Variants in ABHD18 observed in about 807,000 individuals in gnomAD.
ABHD18 encodes the protein cardiolipin-specific deacylase, mitochondrial.
ABHD18 carries 55 observed loss-of-function variants against 65.9 expected under a neutral mutation model. The ratio of observed to expected loss-of-function variants is 0.84; its 90% CI spans 0.67 to 1.05. ABHD18 has a LOEUF of 1.05. ABHD18 is among the 50% of genes least tolerant of loss of function. The pLI, the probability that ABHD18 is intolerant of heterozygous loss-of-function variation, is 0.00. For missense variants in ABHD18, 533 were observed against 558.5 expected (o/e 0.95, Z 0.46); for synonymous variants, 181 against 180.2 (o/e 1.00, Z -0.04).
intron 11 of ABHD18, among the ~76,000 whole-genome samples, chr4:128,029,788 G>C (rs985920947): frequency 2.0e-5 from 3 of 152,102 alleles, no homozygotes; most frequent in African/African-American, 7.2e-5. Context: ...TCATGCCACT[G>C]CACTCAGCCT....
intron 4 of ABHD18, among the ~76,000 whole-genome samples, chr4:128,003,315 CCG>C (rs1753006156): frequency 1.3e-5 from 2 of 151,486 alleles, no homozygotes; most frequent in Non-Finnish European, 2.9e-5. Flanking sequence ...TTGCAGTGAG[CCG>C]AGATCGCGCC....
chr4:128,030,896 C>G (rs1758112301), intron 12 of ABHD18: 2 of 1,240,394 alleles, frequency 1.6e-6, no homozygotes, highest in South Asian at 5.6e-5. Flanking sequence ...TATAGGCATG[C>G]TTTATCGTGT....
Position 128,017,368 on chromosome 4 carries a change from C to T in ABHD18, c.476C>T (p.Ser159Phe). ...ATTTTGTTTTGTGAGGCTAGAAGGTCCAGCTTAAAAAATGTGTCCGACCTT... is the reference window on the plus strand; with the variant it reads ...ATTTTGTTTTGTGAGGCTAGAAGGTTCAGCTTAAAAAATGTGTCCGACCTT... ...GCRKPKDQVR[S>F]SLKNVSDLFV... Residue 159 changes from serine to phenylalanine, a missense_variant, in exon 8 of 13, where the codon TCC becomes TTC. Ser to Phe is a radical substitution (Grantham distance 155). Around this residue, in one of 3 missense-constraint regions of ABHD18, gnomAD observed 309 missense variants for 313.5 expected, o/e 0.99. Transcript: ENST00000645843. 6.2e-7 allele frequency: 1 copy of T among 1,612,978 alleles called. No individual in the cohort carries two copies. Among genetic ancestry groups the T allele is most frequent in the African/African-American group, 1.3e-5 (1 of 74,966 alleles).
In ABHD18 at chr4:127,978,240, G is replaced by A. The variant is rs74383439; in HGVS notation, c.-17-4699G>A. ...TGAAAATTTTTGTGGGTACATAGTA[G>A]GTGTATGGATTTATAGATTTCTAGA... On this transcript the variant is annotated intron_variant, in intron 1 of 12. Transcript: ENST00000645843. Among the ~76,000 whole-genome samples, 778 of 152,082 alleles carry A rather than the reference G, an allele frequency of 5.1e-3. 5 individuals are homozygous for A. Among genetic ancestry groups the A allele is most frequent in the African/African-American group, 0.018 (751 of 41,518 alleles).
At position 127,982,835 on chromosome 4, in the gene ABHD18, C is replaced by T. The variant is rs1344536141; in HGVS notation, c.-17-104C>T. The T allele has an allele frequency of 5.6e-5, 34 of 610,972 alleles. No individual in the cohort carries two copies. In the East Asian group the frequency reaches 7.2e-4, roughly 13 times the overall value. 37.8% of individuals were successfully genotyped at this position (610,972 alleles called of 1,614,324 possible). On this transcript the variant is annotated intron_variant, in intron 1 of 12. Transcript: ENST00000645843. Reference sequence around the variant, plus strand: ...TGTTTCCAAAGGAATTAATTCGTCTCAATCTTTAATTTTACATGATAGTCA... The same window carrying T: ...TGTTTCCAAAGGAATTAATTCGTCTTAATCTTTAATTTTACATGATAGTCA...
At chr4:127,992,535 G>A (rs189835995) in intron 4 of ABHD18, among the ~76,000 whole-genome samples, 3 of 151,964 alleles carry the variant, frequency 2.0e-5, no homozygotes, top group Admixed American at 6.6e-5. Context: ...CATGTAGCTC[G>A]TTTATGTATT....
chr4:127,987,357 A>C (rs996262028), intron 3 of ABHD18, among the ~76,000 whole-genome samples: 1 of 152,098 alleles, frequency 6.6e-6, no homozygotes, highest in African/African-American at 2.4e-5. Flanking sequence ...GTCTCAAAAA[A>C]TAGTAATAAT....
chr4:127,977,640 A>T (rs918827989), intron 1 of ABHD18, among the ~76,000 whole-genome samples: 3 of 152,220 alleles, frequency 2.0e-5, no homozygotes, highest in Non-Finnish European at 4.4e-5. Context: ...CTTTGAAGAA[A>T]TTAGAGGAGT....
At chr4:127,975,175 TTAA>T (rs1184055804) in intron 1 of ABHD18, among the ~76,000 whole-genome samples, 1 of 152,124 alleles carries the variant, frequency 6.6e-6, no homozygotes, top group Non-Finnish European at 1.5e-5. Context: ...ATTTACCATC[TTAA>T]TAATTTTAAC....
chr4:128,018,720 A>G (rs1755941823), intron 8 of ABHD18, among the ~76,000 whole-genome samples: 1 of 152,010 alleles, frequency 6.6e-6, no homozygotes, highest in Non-Finnish European at 1.5e-5. Context: ...AACTTACTCA[A>G]ATTCAAAACT....
At chr4:128,007,212 G>A (rs1455524139) in intron 4 of ABHD18, among the ~76,000 whole-genome samples, 1 of 151,952 alleles carries the variant, frequency 6.6e-6, no homozygotes, top group Non-Finnish European at 1.5e-5. Flanking sequence ...CCAGCTGCTT[G>A]GGAGGCTGAG....
intron 10 of ABHD18, among the ~76,000 whole-genome samples, chr4:128,025,888 C>T (rs1045268390): frequency 6.6e-5 from 10 of 152,162 alleles, no homozygotes; most frequent in Admixed American, 6.6e-5. Context: ...CTGGGCACGA[C>T]GGCTCACACA....
chr4:127,968,932 G>A (rs572441098), intron 1 of ABHD18, among the ~76,000 whole-genome samples: 3 of 152,106 alleles, frequency 2.0e-5, no homozygotes, highest in Admixed American at 1.3e-4. Context: ...AAAGACTTAC[G>A]TGTTTAGAGA....
chr4:127,984,640 C>A (rs1749645244), intron 3 of ABHD18, among the ~76,000 whole-genome samples: 1 of 151,988 alleles, frequency 6.6e-6, no homozygotes, highest in Non-Finnish European at 1.5e-5. Flanking sequence ...GGTGGATCAC[C>A]TGAGGTTGGG....
Position 128,028,706 on chromosome 4 carries a change from T to C in ABHD18, c.1033T>C (p.Ser345Pro). 6.2e-7 allele frequency: 1 copy of C among 1,613,942 alleles called. No individual in the cohort carries two copies. The highest frequency in any genetic ancestry group is 8.5e-7 in the Non-Finnish European group (1 of 1,179,872). Reference protein sequence around the residue: ...SKMKRFNQTLSTNKSGYTSRN... With the variant: ...SKMKRFNQTLPTNKSGYTSRN... Reference sequence around the variant, plus strand: ...GATGAAGCGCTTCAATCAAACACTTTCAACCAACAAAAGTGGTTATACAAG... The same window carrying C: ...GATGAAGCGCTTCAATCAAACACTTCCAACCAACAAAAGTGGTTATACAAG... The change falls in exon 11 of 13, where the codon TCA becomes CCA. Residue 345 changes from serine to proline, a missense_variant. By Grantham distance (74) the Ser-to-Pro change is moderately conservative (BLOSUM62 -1). Coordinates refer to ENST00000645843, the MANE Select transcript of ABHD18 (RefSeq NM_001358451.3).
intron 1 of ABHD18, among the ~76,000 whole-genome samples, chr4:127,978,008 T>A (rs1323796168): frequency 6.6e-6 from 1 of 152,128 alleles, no homozygotes. Flanking sequence ...AGTTAATATA[T>A]GGATTGAACA....
chr4:127,973,391 C>G (rs1747229330), intron 1 of ABHD18, among the ~76,000 whole-genome samples: 1 of 151,282 alleles, frequency 6.6e-6, no homozygotes, highest in Admixed American at 6.6e-5. Flanking sequence ...GTTTTTTTTT[C>G]CCCCTTACTG....
At chr4:127,999,749 T>C (rs1462256361) in intron 4 of ABHD18, among the ~76,000 whole-genome samples, 1 of 152,244 alleles carries the variant, frequency 6.6e-6, no homozygotes, top group African/African-American at 2.4e-5. Flanking sequence ...TCTCAACCTG[T>C]TGATACTTTG....
intron 10 of ABHD18, among the ~76,000 whole-genome samples, chr4:128,023,564 A>G (rs1460791649): frequency 6.6e-6 from 1 of 151,418 alleles, no homozygotes; most frequent in Admixed American, 6.6e-5. Context: ...AGCCCAGGTG[A>G]CAGAGCAAGA....
Sources: allele counts gnomAD v4.1 joint callset (sites outside exome capture counted in the v4.1 genomes callset), GRCh38; gene constraint gnomAD v4.1.1; regional missense constraint gnomAD v4.1.1; transcripts MANE v1.5; gene names NCBI Gene and HGNC (gene_info 2026-07-23, HGNC 2026-07-21).